RASSF5: variants seen among roughly 807,000 people sequenced by gnomAD.
RASSF5 encodes Ras association domain family member 5.
A neutral mutation model predicts 40.5 loss-of-function variants in RASSF5; 25 were observed. The ratio of observed to expected loss-of-function variants is 0.62; its 90% CI spans 0.45 to 0.86. RASSF5 has a LOEUF of 0.86. Among genes scored for constraint, RASSF5 ranks in the 40% least tolerant of loss-of-function variants. The pLI is 0.00. For missense variants in RASSF5, 521 were observed against 572.8 expected, an observed-to-expected ratio of 0.91 and a Z score of 0.92; for synonymous variants, 246 against 252.4, an observed-to-expected ratio of 0.97 and a Z score of 0.24.
At chr1:206,577,003 G>A (rs567845769) in intron 2 of RASSF5, among the ~76,000 whole-genome samples, 33 of 151,528 alleles carry the variant, frequency 2.2e-4, no homozygotes, top group African/African-American at 7.5e-4. Context: ...TAGAGACAGG[G>A]TCTCACTATG....
chr1:206,518,651 G>T, intron 1 of RASSF5: 4 of 394,630 alleles, frequency 1.0e-5, no homozygotes, highest in Non-Finnish European at 1.8e-5. Context: ...CTGCTGTTTA[G>T]TGCTGAGCTC....
chr1:206,544,151 G>A (rs868944660), intron 2 of RASSF5: 3 of 152,128 alleles, frequency 2.0e-5, no homozygotes, highest in African/African-American at 4.8e-5. Flanking sequence ...TTGTGTAGAC[G>A]AAATACTTGA....
chr1:206,553,730 A>G (rs1667910734), intron 2 of RASSF5, among the ~76,000 whole-genome samples: 1 of 152,222 alleles, frequency 6.6e-6, no homozygotes. Context: ...AGAAGACCCC[A>G]GGAAGCTGAA....
In RASSF5 at chr1:206,589,115, C is replaced by T. The variant is rs1669255838; in HGVS notation, c.*2137C>T. The T allele has an allele frequency of 1.3e-5, 2 of 152,698 alleles. No homozygotes were observed. The highest frequency in any genetic ancestry group is 2.4e-5 in the African/African-American group (1 of 41,418). The allele number at this position is 152,698 out of a possible 1,614,324, so 9.5% of individuals were successfully genotyped here. A position where few individuals can be genotyped will look rare whatever the true frequency, so the allele number is the denominator to read the frequency against. On this transcript the variant is annotated 3_prime_UTR_variant, in exon 6 of 6. Transcript: ENST00000579436. ...TAAACCTCTGAAAAAAGTATAGTATCGAGTACCCGTTCCCTCCCAGAGGTG... is the reference window on the plus strand; with the variant it reads ...TAAACCTCTGAAAAAAGTATAGTATTGAGTACCCGTTCCCTCCCAGAGGTG...
At chr1:206,554,496 C>A (rs556540880) in intron 2 of RASSF5, among the ~76,000 whole-genome samples, 4 of 152,294 alleles carry the variant, frequency 2.6e-5, no homozygotes, top group African/African-American at 9.6e-5. Context: ...TTTCTGAACC[C>A]CAGCACGACG....
At chr1:206,542,734 T>C (rs1638502394) in intron 2 of RASSF5, 1 of 152,224 alleles carries the variant, frequency 6.6e-6, no homozygotes, top group South Asian at 2.1e-4. Context: ...TTAACATTTC[T>C]CTTTAAATAG....
chr1:206,570,078 CTTTTTTTTTTTT>C (rs375900760), intron 2 of RASSF5, among the ~76,000 whole-genome samples: 6 of 119,350 alleles, frequency 5.0e-5, no homozygotes, highest in African/African-American at 9.9e-5. Context: ...TAAAATTTAC[CTTTTTTTTTTTT>C]TTTTTTTTTT....
At chr1:206,508,120 G>A (rs1666513542) in intron 1 of RASSF5, 61 bp downstream of exon 1, 2 of 1,245,364 alleles carry the variant, frequency 1.6e-6, no homozygotes, top group Admixed American at 4.0e-5. Context: ...CGAAGGACTG[G>A]GAGGGCCCTG....
chr1:206,585,320 C>G (rs782024646), intron 5 of RASSF5, 25 bp downstream of exon 5: 7 of 1,592,934 alleles, frequency 4.4e-6, no homozygotes, highest in Non-Finnish European at 6.0e-6. Flanking sequence ...ATTGTGCAAA[C>G]CCAGGCCTTA....
chr1:206,533,978 G>A (rs1667316142), intron 1 of RASSF5, among the ~76,000 whole-genome samples: 1 of 152,200 alleles, frequency 6.6e-6, no homozygotes, highest in South Asian at 2.1e-4. Context: ...AAGGAATCCA[G>A]CAAATCATCA....
chr1:206,568,856 T>C lies in RASSF5; in HGVS notation c.580-14413T>C, dbSNP rs567401006. 2.0e-5 allele frequency among the ~76,000 whole-genome samples: 3 copies of C among 152,370 alleles called. No individual in the cohort carries two copies. In the East Asian group the frequency reaches 5.8e-4, roughly 29 times the overall value. ...GAAGTTCACTATGTGAGGGCAAGGATGTGATTTGGAGGTGGGGATGGATAG... is the reference window on the plus strand; with the variant it reads ...GAAGTTCACTATGTGAGGGCAAGGACGTGATTTGGAGGTGGGGATGGATAG... On this transcript the variant is annotated intron_variant, in intron 2 of 5. Coordinates refer to ENST00000579436, the MANE Select transcript of RASSF5 (RefSeq NM_182663.4).
chr1:206,528,671 A>G (rs1416184503), intron 1 of RASSF5, among the ~76,000 whole-genome samples: 1 of 152,150 alleles, frequency 6.6e-6, no homozygotes, highest in Admixed American at 6.5e-5. Flanking sequence ...GGCAGGGGGT[A>G]TAAAGGAACT....
At chr1:206,561,299 G>A (rs1021644383) in intron 2 of RASSF5, among the ~76,000 whole-genome samples, 2 of 152,168 alleles carry the variant, frequency 1.3e-5, no homozygotes, top group Non-Finnish European at 2.9e-5. Flanking sequence ...CTTCTTCTTG[G>A]TCTTTTCCTA....
chr1:206,582,614 G>A (rs1442989139), intron 2 of RASSF5, among the ~76,000 whole-genome samples: 1 of 152,216 alleles, frequency 6.6e-6, no homozygotes, highest in Non-Finnish European at 1.5e-5. Context: ...TTTTATGGTA[G>A]AGGGGGCTAC....
rs762589159 is a variant in RASSF5, at chr1:206,535,613, A to G, written c.458-2559A>G. Among the ~76,000 whole-genome samples, 1 of 152,150 alleles carries G rather than the reference A, an allele frequency of 6.6e-6. No individual in the cohort carries two copies. The highest frequency in any genetic ancestry group is 1.5e-5 in the Non-Finnish European group (1 of 68,020). ...TTTGGTGCTCAAACATGCTTCTTAT[A>G]AAATCCCAGAACACTTCTCAGAGTC... On this transcript the variant is annotated intron_variant, in intron 1 of 5. Transcript: ENST00000579436. The surrounding 1 kb of genome is among the most constrained non-coding windows in gnomAD (Gnocchi z 5.0).
intron 1 of RASSF5, among the ~76,000 whole-genome samples, chr1:206,523,639 A>G (rs1231063190): frequency 9.7e-6 from 1 of 102,908 alleles, no homozygotes. Context: ...AATATATTAT[A>G]TATAATATAT....
chr1:206,523,839 T>C (rs868951039), intron 1 of RASSF5, among the ~76,000 whole-genome samples: 2,679 of 107,604 alleles, frequency 0.025, 51 homozygotes, highest in Non-Finnish European at 0.034. Context: ...TAATATATTT[T>C]ATATATACTA....
intron 1 of RASSF5, among the ~76,000 whole-genome samples, chr1:206,537,185 T>A (rs1553398796): frequency 1.3e-5 from 2 of 152,144 alleles, no homozygotes; most frequent in African/African-American, 4.8e-5. Flanking sequence ...GGCACCTCAC[T>A]TTTTCTCTCT....
intron 2 of RASSF5, among the ~76,000 whole-genome samples, chr1:206,562,577 C>T (rs928419736): frequency 2.6e-5 from 4 of 152,126 alleles, no homozygotes; most frequent in African/African-American, 9.7e-5. Flanking sequence ...CAGTATTGTC[C>T]GTCCTATAAG....
Sources: gnomAD v4.1 joint callset for allele counts (sites outside exome capture counted in the v4.1 genomes callset) on GRCh38, gnomAD v4.1.1 for gene constraint, Gnocchi (gnomAD v3.1) non-coding constraint, MANE v1.5 for transcripts, NCBI Gene and HGNC (gene_info 2026-07-23, HGNC 2026-07-21) for gene names.